The following LRP1B variants were observed in gnomAD, a reference collection of about 807,000 sequenced individuals.
The protein encoded by LRP1B is low-density lipoprotein receptor-related protein 1B.
Under a neutral mutation model 556.6 loss-of-function variants are expected in LRP1B, and 217 were observed. The ratio of observed to expected loss-of-function variants is 0.39; its 90% CI spans 0.35 to 0.44. The LOEUF (loss-of-function observed/expected upper bound fraction) is 0.44, where lower values mean the gene tolerates loss of function less well. Ranked by LOEUF, LRP1B falls within the 20% of genes least tolerant of loss-of-function variation. The pLI is 1.00. For synonymous variants in LRP1B, 2,047 were observed against 1,865.8 expected, an observed-to-expected ratio of 1.10 and a Z score of -2.50; for missense variants, 5,053 against 5,620.8, an observed-to-expected ratio of 0.90 and a Z score of 3.23.
intron 41 of LRP1B, among the ~76,000 whole-genome samples, chr2:140,631,180 G>T (rs1487203107): frequency 6.6e-6 from 1 of 152,080 alleles, no homozygotes; most frequent in African/African-American, 2.4e-5. Flanking sequence ...TCCTTGCCAG[G>T]TTAACATAAA....
chr2:141,931,028 C>A (rs757986255), intron 1 of LRP1B, among the ~76,000 whole-genome samples: 1 of 151,948 alleles, frequency 6.6e-6, no homozygotes, highest in Non-Finnish European at 1.5e-5. Context: ...GCTTACATGA[C>A]CAATACACAT....
intron 66 of LRP1B, among the ~76,000 whole-genome samples, chr2:140,393,000 G>A (rs1387872793): frequency 6.6e-6 from 1 of 151,260 alleles, no homozygotes; most frequent in Non-Finnish European, 1.5e-5. Context: ...TGCAATCATA[G>A]CTCACTGCAA....
At chr2:141,679,213 C>T (rs903290912) in intron 2 of LRP1B, among the ~76,000 whole-genome samples, 1 of 152,136 alleles carries the variant, frequency 6.6e-6, no homozygotes, top group South Asian at 2.1e-4. Flanking sequence ...TCTCCCCCAA[C>T]AGAACCTTCA....
At chr2:141,023,679 A>C (rs1198776821) in intron 11 of LRP1B, among the ~76,000 whole-genome samples, 2 of 152,008 alleles carry the variant, frequency 1.3e-5, no homozygotes, top group Non-Finnish European at 2.9e-5. Flanking sequence ...AAAAGAAAGG[A>C]TGTGAGCAGT....
chr2:141,455,549 C>T (rs938263640), intron 3 of LRP1B, among the ~76,000 whole-genome samples: 10 of 150,752 alleles, frequency 6.6e-5, no homozygotes, highest in Non-Finnish European at 1.2e-4. Context: ...TAAGAAACTA[C>T]AAAAAGATGG....
chr2:141,155,487 T>A (rs1356591713), intron 7 of LRP1B, among the ~76,000 whole-genome samples: 1 of 140,224 alleles, frequency 7.1e-6, no homozygotes, highest in African/African-American at 2.8e-5. Flanking sequence ...TTTATTATTA[T>A]TTTTTTTTAT....
At chr2:141,159,010 A>G (rs1260902241) in intron 7 of LRP1B, among the ~76,000 whole-genome samples, 1 of 152,136 alleles carries the variant, frequency 6.6e-6, no homozygotes, top group Non-Finnish European at 1.5e-5. Context: ...TATTCTACAT[A>G]TTGGTATTCT....
intron 23 of LRP1B, among the ~76,000 whole-genome samples, chr2:140,891,736 G>T (rs928035520): frequency 1.3e-5 from 2 of 152,126 alleles, no homozygotes; most frequent in African/African-American, 4.8e-5. Flanking sequence ...AGAGGGAATA[G>T]AATCAATAGA....
intron 12 of LRP1B, among the ~76,000 whole-genome samples, 161 bp downstream of exon 12, chr2:141,019,761 A>G (rs1361069678): frequency 2.0e-5 from 3 of 152,112 alleles, no homozygotes; most frequent in Admixed American, 6.6e-5. Context: ...TACATTCTCT[A>G]GTACAGAAAA....
At chr2:141,562,895 CA>C (rs1350723474) in intron 2 of LRP1B, among the ~76,000 whole-genome samples, 1 of 151,922 alleles carries the variant, frequency 6.6e-6, no homozygotes, top group Admixed American at 6.6e-5. Context: ...TATCTCAAAG[CA>C]CCCTGGAATA....
At chr2:140,901,516 A>G (rs1694104101) in intron 23 of LRP1B, among the ~76,000 whole-genome samples, 1 of 152,226 alleles carries the variant, frequency 6.6e-6, no homozygotes, top group African/African-American at 2.4e-5. Context: ...GAATAATCAC[A>G]TCAGGGTAAA....
At chr2:142,102,496 T>G (rs1274435520) in intron 1 of LRP1B, among the ~76,000 whole-genome samples, 1 of 151,460 alleles carries the variant, frequency 6.6e-6, no homozygotes, top group Non-Finnish European at 1.5e-5. Flanking sequence ...ATAAGTATTT[T>G]GAAAGTATCT....
chr2:141,969,851 C>T (rs1183739015), intron 1 of LRP1B, among the ~76,000 whole-genome samples: 1 of 151,536 alleles, frequency 6.6e-6, no homozygotes, highest in South Asian at 2.1e-4. Context: ...AACCTGCATA[C>T]ATTTTTCCAT....
At chr2:141,303,998 T>G (rs1374360997) in intron 3 of LRP1B, among the ~76,000 whole-genome samples, 2 of 152,212 alleles carry the variant, frequency 1.3e-5, no homozygotes, top group Non-Finnish European at 2.9e-5. Context: ...TTGATTTGCA[T>G]TTCCCTGATG....
At chr2:142,033,655 G>A (rs59335909) in intron 1 of LRP1B, among the ~76,000 whole-genome samples, 8,564 of 151,532 alleles carry the variant, frequency 0.057, 825 homozygotes, top group African/African-American at 0.2. Flanking sequence ...TCTATAAATG[G>A]GTTTAGGTAG....
chr2:141,514,663 A>T (rs1173985881), intron 2 of LRP1B, among the ~76,000 whole-genome samples: 1 of 152,160 alleles, frequency 6.6e-6, no homozygotes, highest in Non-Finnish European at 1.5e-5. Context: ...AAAATATTAT[A>T]AGTCAAAATT....
intron 57 of LRP1B, among the ~76,000 whole-genome samples, chr2:140,490,578 C>A (rs901011038): frequency 6.6e-6 from 1 of 151,974 alleles, no homozygotes; most frequent in African/African-American, 2.4e-5. Flanking sequence ...AGAAAATGTG[C>A]AGAGATAATT....
intron 41 of LRP1B, among the ~76,000 whole-genome samples, chr2:140,679,072 C>T (rs6747859): frequency 0.8 from 120,970 of 152,108 alleles, 48,968 homozygotes; most frequent in Middle Eastern, 0.9. Context: ...CCACCACGCC[C>T]GGCCAGGCCT....
At chr2:140,767,341 T>G in intron 35 of LRP1B, among the ~76,000 whole-genome samples, 1 of 152,118 alleles carries the variant, frequency 6.6e-6, no homozygotes, top group Admixed American at 6.6e-5. Context: ...AGGCAAAATG[T>G]AAAGAACAAA....
Sources: gnomAD v4.1 joint callset for allele counts (sites outside exome capture counted in the v4.1 genomes callset) on GRCh38, gnomAD v4.1.1 for gene constraint, MANE v1.5 for transcripts, NCBI Gene and HGNC (gene_info 2026-07-23, HGNC 2026-07-21) for gene names.